Variants in ANO5 observed in about 807,000 individuals in gnomAD.
ANO5 encodes anoctamin 5.
ANO5 carries 109 observed loss-of-function variants against 121.0 expected under a neutral mutation model. That is an observed-to-expected ratio of 0.90 (90% CI 0.77 to 1.06). ANO5 has a LOEUF of 1.06. ANO5 is among the 50% of genes least tolerant of loss of function. The pLI, the probability that ANO5 is intolerant of heterozygous loss-of-function variation, is 0.00. For synonymous variants in ANO5, 406 were observed against 359.9 expected, an observed-to-expected ratio of 1.13 and a Z score of -1.45; for missense variants, 1,064 against 1,078.5, an observed-to-expected ratio of 0.99 and a Z score of 0.19.
intron 1 of ANO5, among the ~76,000 whole-genome samples, chr11:22,197,758 G>A (rs1426004882): frequency 6.6e-6 from 1 of 152,140 alleles, no homozygotes; most frequent in Non-Finnish European, 1.5e-5. Flanking sequence ...TCTTTAGGCT[G>A]GCTTTACTTT....
chr11:22,212,853 C>G (rs75602642), intron 3 of ANO5, among the ~76,000 whole-genome samples: 7,124 of 149,116 alleles, frequency 0.048, 556 homozygotes, highest in African/African-American at 0.16. Context: ...TTTTGGAGCT[C>G]TTTATATATA....
chr11:22,193,321 G>GGAGGAAGAGAAGGAGGAGGGGAAT lies in ANO5; in HGVS notation c.-167_-166insAGAGAAGGAGGAGGGGAATGAGGA. 3.1e-6 allele frequency: 1 copy of GGAGGAAGAGAAGGAGGAGGGGAAT among 320,372 alleles called. No homozygotes were observed. Among genetic ancestry groups the GGAGGAAGAGAAGGAGGAGGGGAAT allele is most frequent in the Non-Finnish European group, 4.3e-6 (1 of 235,198 alleles). The allele number at this position is 320,372 out of a possible 1,614,324, so 19.8% of individuals were successfully genotyped here. On this transcript the variant is annotated 5_prime_UTR_variant, in exon 1 of 22. In the 5' UTR this introduces an upstream ATG that the reference lacks. Coordinates refer to ENST00000324559, the MANE Select transcript of ANO5 (RefSeq NM_213599.3). ...GGCGCCCAGAGACGGTGGAGTCCGAGGAGGAGGAGAAGGAGGCCTGCAGAA... is the reference window on the plus strand; with the variant it reads ...GGCGCCCAGAGACGGTGGAGTCCGAGGAGGAAGAGAAGGAGGAGGGGAATGAGGAGGAGAAGGAGGCCTGCAGAA...
rs1854656928 is a variant in ANO5 at position 22,272,494 on chromosome 11, A to G, written c.2030-290A>G. Among the ~76,000 whole-genome samples the G allele has an allele frequency of 2.6e-5, 4 of 152,198 alleles. No homozygotes were observed. In the South Asian group the frequency reaches 8.3e-4, roughly 31 times the overall value. ...ACAAGCATAAACCTAAGCTTAGCCC[A>G]TAATAAAAGGCAAAGAGGAATAGAA... On this transcript the variant is annotated intron_variant, in intron 18 of 21. Coordinates refer to ENST00000324559, the MANE Select transcript of ANO5 (RefSeq NM_213599.3).
chr11:22,220,801 G>T (rs1246125176), intron 4 of ANO5, among the ~76,000 whole-genome samples: 1 of 151,938 alleles, frequency 6.6e-6, no homozygotes, highest in East Asian at 1.9e-4. Flanking sequence ...AAGGGAACAA[G>T]TCAGTCTCTG....
At chr11:22,269,475 AAAAGAAAGGAAAGAAAAAAGAAAAGG>A (rs1564948583) in intron 17 of ANO5, among the ~76,000 whole-genome samples, 8 of 54,432 alleles carry the variant, frequency 1.5e-4, no homozygotes, top group Non-Finnish European at 3.4e-4. Flanking sequence ...GAGAAAAAAG[AAAAGAAAGGAAAGAAAAAAGAAAAGG>A]AAGGAAAGAA....
Position 22,250,316 on chromosome 11 carries a change from G to A in ANO5, c.958G>A (p.Val320Ile). The A allele has an allele frequency of 1.2e-6, 2 of 1,613,228 alleles. No homozygotes were observed. The highest frequency in any genetic ancestry group is 1.7e-6 in the Non-Finnish European group (2 of 1,179,532). Residue 320 changes from valine to isoleucine, a missense_variant, in exon 10 of 22, where the codon GTT becomes ATT. Coordinates refer to ENST00000324559, the MANE Select transcript of ANO5 (RefSeq NM_213599.3). The part of the protein sequence containing the change: ...YTEMLFFAAV[V>I]GLACFIYGLL... ...AGAAATGCTATTCTTTGCAGCTGTA[G>A]TTGGCTTAGCTTGTTTTATTTATGG... is the stretch of plus-strand genomic sequence containing the variant.
In ANO5 at chr11:22,262,220, C is replaced by T. The variant is rs781145099; in HGVS notation, c.1722C>T (p.Tyr574=). ...TAAATTTTTACTCATCCTGCTTCTA[C>T]GTAGCTTTCTTTAAAGGGAAGTTCG... ...QFVNFYSSCF[Y]VAFFKGKFVG... is the part of the protein sequence containing the mutation. The change falls in exon 16 of 22, where the codon TAC becomes TAT. Residue 574 remains tyrosine (Y), a synonymous_variant. Coordinates refer to ENST00000324559, the MANE Select transcript of ANO5 (RefSeq NM_213599.3). 1.9e-5 allele frequency: 30 copies of T among 1,613,654 alleles called. No individual in the cohort carries two copies. Among genetic ancestry groups the T allele is most frequent in the African/African-American group, 4.0e-5 (3 of 74,872 alleles).
chr11:22,266,314 T>C (rs1854364886), intron 17 of ANO5, among the ~76,000 whole-genome samples: 1 of 152,142 alleles, frequency 6.6e-6, no homozygotes, highest in Admixed American at 6.5e-5. Flanking sequence ...GCTCGTCTGT[T>C]TGATAGTGTC....
intron 1 of ANO5, 28 bp downstream of exon 1, chr11:22,193,560 G>A (rs1257327865): frequency 6.2e-7 from 1 of 1,609,390 alleles, no homozygotes; most frequent in South Asian, 1.1e-5. Flanking sequence ...GGCGTCAAGG[G>A]AGAGCCAGGC....
At chr11:22,255,577 G>T in intron 13 of ANO5, 55 bp downstream of exon 13, 1 of 1,587,002 alleles carries the variant, frequency 6.3e-7, no homozygotes, top group Non-Finnish European at 8.6e-7. Flanking sequence ...CACTGCTATA[G>T]GTTTCTTCTC....
At position 22,250,257 on chromosome 11, in the gene ANO5, T is replaced by A. The variant is rs886044659; in HGVS notation, c.899T>A (p.Ile300Asn). The change falls in exon 10 of 22, where the codon ATT becomes AAT. Residue 300 changes from isoleucine (I) to asparagine (N), a missense_variant. Coordinates refer to ENST00000324559, the MANE Select transcript of ANO5 (RefSeq NM_213599.3). Reference protein sequence around the residue: ...DLIKNYYGEKIGIYFVFLGFY... With the variant: ...DLIKNYYGEKNGIYFVFLGFY... The stretch of plus-strand genomic sequence containing the variant: ...CACAGGAATTATTATGGAGAAAAAA[T>A]TGGTATCTATTTTGTCTTTCTTGGA... 1.3e-6 allele frequency: 2 copies of A among 1,593,194 alleles called. No individual in the cohort carries two copies. Among genetic ancestry groups the A allele is most frequent in the Non-Finnish European group, 1.7e-6 (2 of 1,162,416 alleles).
At chr11:22,265,494 AT>A (rs1457307371) in intron 17 of ANO5, among the ~76,000 whole-genome samples, 3 of 152,134 alleles carry the variant, frequency 2.0e-5, no homozygotes, top group African/African-American at 7.2e-5. Context: ...AAAGTACAGG[AT>A]GCAAGAAACA....
upstream of ANO5, chr11:22,192,900 A>C (rs939915293): frequency 8.2e-6 from 7 of 856,522 alleles, no homozygotes; most frequent in African/African-American, 3.7e-5. Context: ...GCGGCAGAGC[A>C]GGGACCTGGG....
intron 9 of ANO5, among the ~76,000 whole-genome samples, chr11:22,244,720 A>G (rs983286654): frequency 2.0e-5 from 3 of 151,814 alleles, no homozygotes; most frequent in Non-Finnish European, 4.4e-5. Context: ...GATTGCTTCC[A>G]TTCCAGAAGT....
intron 9 of ANO5, among the ~76,000 whole-genome samples, chr11:22,246,865 A>C (rs1853641652): frequency 6.7e-6 from 1 of 149,584 alleles, no homozygotes; most frequent in African/African-American, 2.4e-5. Flanking sequence ...TCAAAAAAAA[A>C]AAAAAAAAAA....
At chr11:22,246,856 C>CAAA (rs10565920) in intron 9 of ANO5, among the ~76,000 whole-genome samples, 2 of 62,190 alleles carry the variant, frequency 3.2e-5, no homozygotes, top group Admixed American at 2.3e-4. Flanking sequence ...GACCCTGTTT[C>CAAA]AAAAAAAAAA....
rs551242671 is a variant in ANO5 at position 22,279,937 on chromosome 11, T to C, written c.*172T>C. 83 of 618,896 alleles carry C rather than the reference T, an allele frequency of 1.3e-4. 1 individual carries two copies. The South Asian group carries it at 1.5e-3, about 11-fold the overall frequency. 38.3% of individuals were successfully genotyped at this position (618,896 alleles called of 1,614,324 possible). A position where few individuals can be genotyped will look rare whatever the true frequency, so the allele number is the denominator to read the frequency against. On this transcript the variant is annotated 3_prime_UTR_variant, in exon 22 of 22. Transcript: ENST00000324559. The stretch of plus-strand genomic sequence containing the variant: ...TTTTATAGAGGCCAACTTTGTGATG[T>C]TGGAAATGTACTACTTCTCTGCTTC...
chr11:22,240,227 A>G (rs1853384143), intron 9 of ANO5, among the ~76,000 whole-genome samples: 1 of 151,962 alleles, frequency 6.6e-6, no homozygotes, highest in Admixed American at 6.6e-5. Flanking sequence ...TATGACCTCA[A>G]TCCTTTAGAT....
At chr11:22,192,959 G>A (rs1851692308), upstream of ANO5, 4 of 984,678 alleles carry the variant, frequency 4.1e-6, no homozygotes, top group South Asian at 9.4e-5. Context: ...AGCCGGGCCG[G>A]GGGGCGGGGA....
Sources: allele counts gnomAD v4.1 joint callset (sites outside exome capture counted in the v4.1 genomes callset), GRCh38; gene constraint gnomAD v4.1.1; transcripts MANE v1.5; gene names NCBI Gene and HGNC (gene_info 2026-07-23, HGNC 2026-07-21).